The following CDC5L variants were observed in gnomAD, a reference collection of about 807,000 sequenced individuals.
CDC5L encodes cell division cycle 5 like.
CDC5L carries 18 observed loss-of-function variants against 104.1 expected under a neutral mutation model. The observed-to-expected ratio is 0.17, with a 90% CI of 0.12 to 0.26. CDC5L has a LOEUF of 0.26. Ranked by LOEUF, CDC5L falls within the 10% of genes least tolerant of loss-of-function variation. The pLI is 1.00. For missense variants in CDC5L, 673 were observed against 956.9 expected, an observed-to-expected ratio of 0.70 and a Z score of 3.91; for synonymous variants, 331 against 322.7, an observed-to-expected ratio of 1.03 and a Z score of -0.28.
chr6:44,389,558 A>G (rs955802300), intron 1 of CDC5L, among the ~76,000 whole-genome samples: 3 of 151,484 alleles, frequency 2.0e-5, no homozygotes, highest in Non-Finnish European at 3.0e-5. Context: ...CCACATGGCA[A>G]TGGGTGCCCT....
At chr6:44,420,498 A>G (rs999786484) in intron 9 of CDC5L, among the ~76,000 whole-genome samples, 1 of 151,720 alleles carries the variant, frequency 6.6e-6, no homozygotes, top group African/African-American at 2.4e-5. Context: ...AGCTGGGATT[A>G]CAGGCATGCG....
chr6:44,416,364 T>A (rs10807300), intron 8 of CDC5L, among the ~76,000 whole-genome samples: 115,194 of 151,984 alleles, frequency 0.76, 44,831 homozygotes, highest in Non-Finnish European at 0.86. Flanking sequence ...CACTACTGTT[T>A]CTGTGAGTTT....
At chr6:44,402,367 C>T (rs1404590633) in intron 5 of CDC5L, among the ~76,000 whole-genome samples, 1 of 152,124 alleles carries the variant, frequency 6.6e-6, no homozygotes, top group Non-Finnish European at 1.5e-5. Flanking sequence ...GTGTTTCTTA[C>T]CGAGTTAAAG....
At chr6:44,430,463 G>A (rs1039582124) in intron 14 of CDC5L, among the ~76,000 whole-genome samples, 3 of 148,316 alleles carry the variant, frequency 2.0e-5, no homozygotes, top group Non-Finnish European at 3.0e-5. Context: ...GCAGTTTCAG[G>A]ACATGTGGTT....
chr6:44,404,178 T>C, intron 6 of CDC5L, 151 bp downstream of exon 6: 1 of 488,880 alleles, frequency 2.0e-6, no homozygotes, highest in Non-Finnish European at 3.4e-6. Flanking sequence ...AGGGTCTTGC[T>C]GTGTTGCCCA....
At chr6:44,395,505 A>G (rs1182067112) in intron 4 of CDC5L, among the ~76,000 whole-genome samples, 4 of 152,224 alleles carry the variant, frequency 2.6e-5, no homozygotes, top group Admixed American at 1.3e-4. Flanking sequence ...GGGGAATACT[A>G]ATACCTGCTT....
At chr6:44,387,944 G>GGT (rs1790407648) in intron 1 of CDC5L, 76 bp downstream of exon 1, 3 of 1,417,882 alleles carry the variant, frequency 2.1e-6, no homozygotes, top group South Asian at 1.2e-5. Context: ...GGAGGTCGGG[G>GGT]GGGCGACGAG....
chr6:44,439,187 A>G (rs1003461030), intron 14 of CDC5L, among the ~76,000 whole-genome samples: 3 of 152,146 alleles, frequency 2.0e-5, no homozygotes, highest in Non-Finnish European at 4.4e-5. Flanking sequence ...ATATATTAGT[A>G]TTTGTTTTTA....
At position 44,426,671 on chromosome 6, in the gene CDC5L, A is replaced by G; in HGVS notation, c.1840A>G (p.Thr614Ala). The change falls in exon 13 of 16, where the codon ACC becomes GCC. Residue 614 changes from threonine to alanine, a missense_variant. Physicochemically the swap from Thr to Ala is moderately conservative, Grantham distance 58 (BLOSUM62 0). Transcript: ENST00000371477. ...GFGTNNSEHI[T>A]YLEHNPYEKF... ...TGGTACCAATAATTCAGAGCACATT[A>G]CCTATCTGGAACATAATCCTTATGA... The G allele has an allele frequency of 1.9e-6, 3 of 1,612,754 alleles. No individual in the cohort carries two copies. Among genetic ancestry groups the G allele is most frequent in the South Asian group, 2.2e-5 (2 of 91,048 alleles).
At chr6:44,426,380 T>G (rs1792422985) in intron 12 of CDC5L, 102 bp from the exon 13 acceptor site, 2 of 841,784 alleles carry the variant, frequency 2.4e-6, no homozygotes, top group East Asian at 5.3e-5. Flanking sequence ...GGAAATTGCT[T>G]TTGAAAATGT....
At chr6:44,428,034 A>C (rs1792504722) in intron 13 of CDC5L, among the ~76,000 whole-genome samples, 2 of 152,012 alleles carry the variant, frequency 1.3e-5, no homozygotes, top group African/African-American at 4.8e-5. Flanking sequence ...TCTTTGTTCC[A>C]AAAAGAATTT....
chr6:44,392,590 G>A, intron 2 of CDC5L, 77 bp from the exon 3 acceptor site: 6 of 1,280,238 alleles, frequency 4.7e-6, no homozygotes, highest in Non-Finnish European at 6.6e-6. Flanking sequence ...GAGAGCACAA[G>A]TCAGTGTATC....
intron 13 of CDC5L, among the ~76,000 whole-genome samples, chr6:44,428,755 TG>T (rs1172100893): frequency 6.6e-6 from 1 of 152,228 alleles, no homozygotes; most frequent in Non-Finnish European, 1.5e-5. Context: ...TGAACTAAAC[TG>T]GTTTATGATC....
At position 44,408,520 on chromosome 6, in the gene CDC5L, C is replaced by A. The variant is rs536765287; in HGVS notation, c.980C>A (p.Ser327Tyr). 1 of 1,613,830 alleles carries A rather than the reference C, an allele frequency of 6.2e-7. No homozygotes were observed. Among genetic ancestry groups the A allele is most frequent in the South Asian group, 1.1e-5 (1 of 91,066 alleles). The change falls in exon 8 of 16, where the codon TCT becomes TAT. Residue 327 changes from serine to tyrosine, a missense_variant. By Grantham distance (144) the Ser-to-Tyr change is moderately radical. Coordinates refer to ENST00000371477, the MANE Select transcript of CDC5L (RefSeq NM_001253.4). Reference protein sequence around the residue: ...SEIARQTAEESGITNSASSTL... With the variant: ...SEIARQTAEEYGITNSASSTL... ...ATTGCACGTCAAACTGCCGAGGAAT[C>A]TGGCATAACAAATTCTGCTTCCAGT...
At chr6:44,430,060 C>A (rs1250279341) in intron 14 of CDC5L, 150 bp downstream of exon 14, 1 of 600,934 alleles carries the variant, frequency 1.7e-6, no homozygotes, top group East Asian at 2.8e-5. Context: ...AGTGTTGGAT[C>A]TTCTTGGCCT....
chr6:44,447,426 A>C lies in CDC5L; in HGVS notation c.*715A>C, dbSNP rs1334117849. On this transcript the variant is annotated 3_prime_UTR_variant, in exon 16 of 16. Transcript: ENST00000371477. ...TTTAAAAGTTAATTTCAAGAAGGCC[A>C]TCAAACTTAAAGCTCTATGTTTAGC... 1 of 152,230 alleles carries C rather than the reference A, an allele frequency of 6.6e-6. No individual in the cohort carries two copies. Among genetic ancestry groups the C allele is most frequent in the African/African-American group, 2.4e-5 (1 of 41,462 alleles). The allele number at this position is 152,230 out of a possible 1,614,324, so 9.4% of individuals were successfully genotyped here.
At chr6:44,441,932 CTTTTTTTT>C (rs145016358) in intron 14 of CDC5L, among the ~76,000 whole-genome samples, 1 of 92,868 alleles carries the variant, frequency 1.1e-5, no homozygotes, top group South Asian at 4.0e-4. Context: ...AGGTCTTGTT[CTTTTTTTT>C]TTTTTTTTTT....
At chr6:44,439,401 A>G (rs1227026801) in intron 14 of CDC5L, among the ~76,000 whole-genome samples, 2 of 150,380 alleles carry the variant, frequency 1.3e-5, no homozygotes, top group Non-Finnish European at 2.9e-5. Flanking sequence ...CCTTCACCTC[A>G]TTTGAACTTC....
chr6:44,393,708 A>G, intron 4 of CDC5L, 135 bp downstream of exon 4: 2 of 866,426 alleles, frequency 2.3e-6, no homozygotes, highest in South Asian at 4.2e-5. Context: ...TCTGTTACCC[A>G]GGCTGGAATG....
Sources: gnomAD v4.1 joint callset for allele counts (sites outside exome capture counted in the v4.1 genomes callset) on GRCh38, gnomAD v4.1.1 for gene constraint, MANE v1.5 for transcripts, NCBI Gene and HGNC (gene_info 2026-07-23, HGNC 2026-07-21) for gene names.